ATP5ME: variants seen among roughly 807,000 people sequenced by gnomAD.
The protein encoded by ATP5ME is ATP synthase F(0) complex subunit e, mitochondrial.
Under a neutral mutation model 11.6 loss-of-function variants are expected in ATP5ME, and 10 were observed. The observed-to-expected ratio is 0.86, with a 90% CI of 0.53 to 1.46. The LOEUF (loss-of-function observed/expected upper bound fraction) is 1.46, where lower values mean the gene tolerates loss of function less well. ATP5ME is among the 40% of genes most tolerant of loss of function. ATP5ME has a pLI of 0.00. For missense variants in ATP5ME, 115 were observed against 85.4 expected, an observed-to-expected ratio of 1.35 and a Z score of -1.37; for synonymous variants, 45 against 33.5, an observed-to-expected ratio of 1.34 and a Z score of -1.19.
In ATP5ME at chr4:672,512, G is replaced by T. The variant is rs1444328433; in HGVS notation, c.198C>A (p.Ser66Arg). Residue 66 changes from serine to arginine, a missense_variant, in exon 4 of 4, where the codon AGC becomes AGA. Transcript: ENST00000304312. ...RIARELAEDD[S>R]ILK ...GTCGCAGGGTCACTCACTTTAATAT[G>T]CTGTCATCTTGGGCCGGAAGGTTAG... 2.5e-6 allele frequency: 4 copies of T among 1,613,892 alleles called. No homozygotes were observed. Among genetic ancestry groups the T allele is most frequent in the Middle Eastern group, 1.7e-4 (1 of 6,060 alleles).
chr4:673,904 T>C lies in ATP5ME; in HGVS notation c.91+8A>G. The C allele has an allele frequency of 6.5e-7, 1 of 1,545,938 alleles. No individual in the cohort carries two copies. Among genetic ancestry groups the C allele is most frequent in the Non-Finnish European group, 8.7e-7 (1 of 1,146,842 alleles). Reference sequence around the variant, plus strand: ...GACCCCGCCCCGGCCCCGCCCGCGGTCACTCACTGTAGCGCGTGGCTCCGT... The same window carrying C: ...GACCCCGCCCCGGCCCCGCCCGCGGCCACTCACTGTAGCGCGTGGCTCCGT... On this transcript the variant is annotated splice_region_variant and intron_variant, in intron 2 of 3. Coordinates refer to ENST00000304312, the MANE Select transcript of ATP5ME (RefSeq NM_007100.4).
chr4:673,210 T>C (rs1560147952), intron 3 of ATP5ME, 93 bp downstream of exon 3: 1 of 1,585,316 alleles, frequency 6.3e-7, no homozygotes, highest in Non-Finnish European at 8.6e-7. Flanking sequence ...ACAATCCGCA[T>C]CTACTTAGCT....
chr4:673,459 G>A, intron 2 of ATP5ME, 58 bp from the exon 3 acceptor site: 3 of 1,612,088 alleles, frequency 1.9e-6, no homozygotes, highest in East Asian at 4.5e-5. Flanking sequence ...AAAAGGAACT[G>A]AGTCCACAGG....
rs927010558 is a variant in ATP5ME, at chr4:674,255, C to G, written c.-8G>C. 10 of 1,611,460 alleles carry G rather than the reference C, an allele frequency of 6.2e-6. No individual in the cohort carries two copies. Among genetic ancestry groups the G allele is most frequent in the Non-Finnish European group, 6.8e-6 (8 of 1,179,220 alleles). The stretch of plus-strand genomic sequence containing the variant: ...CTGCACCGGTGGCACCATCTTGTCC[C>G]TGACCTCCGCACCGGAAGCACAACC... On this transcript the variant is annotated 5_prime_UTR_variant, in exon 1 of 4. Coordinates refer to ENST00000304312, the MANE Select transcript of ATP5ME (RefSeq NM_007100.4).
intron 2 of ATP5ME, 158 bp from the exon 3 acceptor site, chr4:673,559 G>C: frequency 1.5e-6 from 2 of 1,328,662 alleles, no homozygotes; most frequent in South Asian, 2.8e-5. Flanking sequence ...CCTTCACCCT[G>C]ACGAGTCCAA....
In ATP5ME at chr4:673,918, G is replaced by C; in HGVS notation, c.85C>G (p.Arg29Gly). 1.9e-6 allele frequency: 3 copies of C among 1,546,280 alleles called. No homozygotes were observed. Among genetic ancestry groups the C allele is most frequent in the Non-Finnish European group, 2.6e-6 (3 of 1,146,860 alleles). Residue 29 changes from arginine to glycine, a missense_variant, in exon 2 of 4, where the codon CGC becomes GGC. By Grantham distance (125) the Arg-to-Gly change is moderately radical (BLOSUM62 -2). Transcript: ENST00000304312. Reference protein sequence around the residue: ...LFLGVAYGATRYNYLKPRAEE... With the variant: ...LFLGVAYGATGYNYLKPRAEE... ...CCCGCCCGCGGTCACTCACTGTAGC[G>C]CGTGGCTCCGTAGGCCACACCGAGG...
chr4:673,806 G>C, intron 2 of ATP5ME, 106 bp downstream of exon 2: 1 of 1,407,522 alleles, frequency 7.1e-7, no homozygotes, highest in Non-Finnish European at 9.7e-7. Flanking sequence ...CTGCAGCCTC[G>C]CATGCGTCCC....
At chr4:674,023 C>T in intron 1 of ATP5ME, 57 bp from the exon 2 acceptor site, 2 of 708,318 alleles carry the variant, frequency 2.8e-6, no homozygotes, top group Non-Finnish European at 2.3e-6. Context: ...ACGGGGGTCG[C>T]GGGAGGAGGG....
Position 674,262 on chromosome 4 carries a change from C to T in ATP5ME, c.-15G>A, listed in dbSNP as rs771338503. 5.6e-6 allele frequency: 9 copies of T among 1,611,288 alleles called. No homozygotes were observed. The African/African-American group carries it at 1.2e-4, about 22-fold the overall frequency. ...GGTGGCACCATCTTGTCCCTGACCT[C>T]CGCACCGGAAGCACAACCTGCAGAC... is the stretch of plus-strand genomic sequence containing the variant. On this transcript the variant is annotated 5_prime_UTR_variant, in exon 1 of 4. Transcript: ENST00000304312.
chr4:674,248 C>G lies in ATP5ME; in HGVS notation c.-1G>C, dbSNP rs750432705. 7 of 1,611,682 alleles carry G rather than the reference C, an allele frequency of 4.3e-6. No individual in the cohort carries two copies. The highest frequency in any genetic ancestry group is 1.7e-6 in the Non-Finnish European group (2 of 1,179,298). ...GAGAGACCTGCACCGGTGGCACCAT[C>G]TTGTCCCTGACCTCCGCACCGGAAG... On this transcript the variant is annotated 5_prime_UTR_variant, in exon 1 of 4. Transcript: ENST00000304312.
intron 1 of ATP5ME, 110 bp downstream of exon 1, chr4:674,102 C>A: frequency 1.3e-6 from 1 of 751,176 alleles, no homozygotes; most frequent in Non-Finnish European, 1.7e-6. Flanking sequence ...GGTCACGGGG[C>A]GAGGATCATG....
chr4:673,418 A>G lies in ATP5ME; in HGVS notation c.92-17T>C, dbSNP rs1181507401. 6.2e-7 allele frequency: 1 copy of G among 1,614,066 alleles called. No individual in the cohort carries two copies. The highest frequency in any genetic ancestry group is 1.1e-5 in the South Asian group (1 of 91,080). ...TTAGGTAATCTGTTTGGCGGAATGCAGGAGAATAAAATTCACTGGAAATGC... is the reference window on the plus strand; with the variant it reads ...TTAGGTAATCTGTTTGGCGGAATGCGGGAGAATAAAATTCACTGGAAATGC... On this transcript the variant is annotated splice_polypyrimidine_tract_variant and intron_variant, in intron 2 of 3. Coordinates refer to ENST00000304312, the MANE Select transcript of ATP5ME (RefSeq NM_007100.4).
chr4:672,584 A>G (rs1738567900), intron 3 of ATP5ME, 65 bp from the exon 4 acceptor site: 2 of 1,488,142 alleles, frequency 1.3e-6, no homozygotes, highest in South Asian at 2.4e-5. Flanking sequence ...AGACCACTTC[A>G]GCTTCCCAGT....
chr4:673,242 T>A, intron 3 of ATP5ME, 61 bp downstream of exon 3: 1 of 1,611,980 alleles, frequency 6.2e-7, no homozygotes. Context: ...TCCTCCTCCA[T>A]TTTCCTTATC....
intron 3 of ATP5ME, 97 bp downstream of exon 3, chr4:673,206 C>A (rs1354368044): frequency 1.9e-6 from 3 of 1,574,522 alleles, no homozygotes; most frequent in African/African-American, 2.7e-5. Context: ...TTAAACAATC[C>A]GCATCTACTT....
intron 3 of ATP5ME, among the ~76,000 whole-genome samples, chr4:672,801 G>A (rs1160276752): frequency 1.3e-5 from 2 of 152,052 alleles, no homozygotes; most frequent in Non-Finnish European, 2.9e-5. Flanking sequence ...AGGCTGGAGT[G>A]CAGTGGCGTG....
At chr4:674,019 G>C (rs1402263063) in intron 1 of ATP5ME, 53 bp from the exon 2 acceptor site, 2 of 1,531,492 alleles carry the variant, frequency 1.3e-6, no homozygotes, top group African/African-American at 2.8e-5. Flanking sequence ...CGGGACGGGG[G>C]TCGCGGGAGG....
rs760628800 is a variant in ATP5ME at position 674,269 on chromosome 4, G to A, written c.-22C>T. On this transcript the variant is annotated 5_prime_UTR_variant, in exon 1 of 4. Transcript: ENST00000304312. ...CCATCTTGTCCCTGACCTCCGCACC[G>A]GAAGCACAACCTGCAGACGGAGCAG... 3.7e-6 allele frequency: 6 copies of A among 1,610,764 alleles called. No individual in the cohort carries two copies. The highest frequency in any genetic ancestry group is 5.1e-6 in the Non-Finnish European group (6 of 1,178,936).
intron 3 of ATP5ME, among the ~76,000 whole-genome samples, chr4:672,989 C>G (rs2109302726): frequency 6.6e-6 from 1 of 152,376 alleles, no homozygotes; most frequent in South Asian, 2.1e-4. Flanking sequence ...CTCAGGCAAT[C>G]TGCCTGTCTC....
Sources: allele counts gnomAD v4.1 joint callset (sites outside exome capture counted in the v4.1 genomes callset), GRCh38; gene constraint gnomAD v4.1.1; transcripts MANE v1.5; gene names NCBI Gene and HGNC (gene_info 2026-07-23, HGNC 2026-07-21).